Variants in GPC6 observed in about 807,000 individuals in gnomAD.
GPC6 encodes glypican 6, also known as glypican-6.
Under a neutral mutation model 55.2 loss-of-function variants are expected in GPC6, and 14 were observed. The observed-to-expected ratio is 0.25, with a 90% CI of 0.17 to 0.40. GPC6 has a LOEUF of 0.40. Ranked by LOEUF, GPC6 falls within the 10% of genes least tolerant of loss-of-function variation. The pLI, the probability that GPC6 is intolerant of heterozygous loss-of-function variation, is 1.00. For synonymous variants in GPC6, 278 were observed against 259.6 expected (o/e 1.07, Z -0.68); for missense variants, 641 against 708.5 (o/e 0.90, Z 1.08).
At chr13:93,220,619 G>C in the GPC6 span, among the ~76,000 whole-genome samples, 3 of 152,094 alleles carry the variant, frequency 2.0e-5, no homozygotes, top group Non-Finnish European at 4.4e-5. Context: ...TTAATATTGT[G>C]AGCCTTCAAG....
chr13:94,022,124 G>C (rs1033991441), intron 3 of GPC6, among the ~76,000 whole-genome samples: 1 of 151,992 alleles, frequency 6.6e-6, no homozygotes, highest in Non-Finnish European at 1.5e-5. Flanking sequence ...TTTAGCAAAA[G>C]TCCTGAATAC....
At chr13:93,340,656 A>G (rs1444962867) in intron 1 of GPC6, among the ~76,000 whole-genome samples, 2 of 152,154 alleles carry the variant, frequency 1.3e-5, no homozygotes, top group Non-Finnish European at 2.9e-5. Flanking sequence ...CTCAAGGAAG[A>G]TAGGGTCAGG....
At chr13:93,884,972 T>G (rs926229589) in intron 3 of GPC6, among the ~76,000 whole-genome samples, 2 of 152,106 alleles carry the variant, frequency 1.3e-5, no homozygotes, top group Admixed American at 6.6e-5. Context: ...TTCACTTGTT[T>G]GGGGCTTCAA....
At chr13:94,233,683 G>A (rs1364278526) in intron 4 of GPC6, among the ~76,000 whole-genome samples, 2 of 152,096 alleles carry the variant, frequency 1.3e-5, no homozygotes, top group Non-Finnish European at 2.9e-5. Flanking sequence ...TTGTTTTGGT[G>A]TTGAGGTGCT....
intron 2 of GPC6, among the ~76,000 whole-genome samples, chr13:93,759,291 C>G (rs1267686840): frequency 2.0e-5 from 3 of 152,170 alleles, no homozygotes; most frequent in Non-Finnish European, 2.9e-5. Context: ...ATGTATCCCC[C>G]ACTTGGGTTA....
intron 3 of GPC6, among the ~76,000 whole-genome samples, chr13:93,993,239 G>C (rs768685474): frequency 1.3e-5 from 2 of 150,868 alleles, no homozygotes; most frequent in Non-Finnish European, 2.9e-5. Context: ...TTCTTTTGTC[G>C]TATCTATTTT....
intron 1 of GPC6, among the ~76,000 whole-genome samples, chr13:93,515,096 T>C (rs1881135263): frequency 6.6e-6 from 1 of 152,156 alleles, no homozygotes; most frequent in South Asian, 2.1e-4. Context: ...CTCCTTTCTC[T>C]CTTGCTATCT....
chr13:94,379,236 G>A (rs772552690), intron 6 of GPC6, among the ~76,000 whole-genome samples: 18 of 152,278 alleles, frequency 1.2e-4, no homozygotes, highest in Admixed American at 7.2e-4. Flanking sequence ...ATGAATCAAA[G>A]GCATGTTCTT....
intron 2 of GPC6, among the ~76,000 whole-genome samples, chr13:93,803,023 G>A (rs1181212909): frequency 6.6e-6 from 1 of 152,124 alleles, no homozygotes; most frequent in Non-Finnish European, 1.5e-5. Context: ...TTGTGTGAGG[G>A]AAGGAAATTA....
chr13:93,628,820 C>T (rs1879313414), intron 2 of GPC6, among the ~76,000 whole-genome samples: 1 of 151,836 alleles, frequency 6.6e-6, no homozygotes, highest in Admixed American at 6.6e-5. Context: ...TAAAAATATT[C>T]AAAATATCCA....
At chr13:93,660,608 AT>A (rs1880882103) in intron 2 of GPC6, among the ~76,000 whole-genome samples, 1 of 152,200 alleles carries the variant, frequency 6.6e-6, no homozygotes, top group African/African-American at 2.4e-5. Context: ...ATCTGTTCAC[AT>A]TTTGTAGTCT....
At chr13:94,132,305 T>C (rs1192944806) in intron 4 of GPC6, among the ~76,000 whole-genome samples, 1 of 152,160 alleles carries the variant, frequency 6.6e-6, no homozygotes, top group Non-Finnish European at 1.5e-5. Flanking sequence ...AGCTATTTCT[T>C]ACACACGATG....
chr13:93,599,522 G>A (rs973233733), intron 2 of GPC6, among the ~76,000 whole-genome samples: 7 of 152,102 alleles, frequency 4.6e-5, no homozygotes, highest in African/African-American at 1.7e-4. Flanking sequence ...AAAAAATGTG[G>A]AAAAGGAGTG....
At chr13:94,347,415 G>A (rs1239067791) in intron 6 of GPC6, among the ~76,000 whole-genome samples, 8 of 152,210 alleles carry the variant, frequency 5.3e-5, no homozygotes, top group African/African-American at 9.7e-5. Context: ...TCAGGACTAT[G>A]TGCTTTGATG....
At chr13:93,408,083 G>A (rs764177445) in intron 1 of GPC6, among the ~76,000 whole-genome samples, 2 of 152,070 alleles carry the variant, frequency 1.3e-5, no homozygotes, top group African/African-American at 2.4e-5. Context: ...TTTCCTCCAA[G>A]ACTCTTAATT....
At chr13:93,677,001 AAAGAT>A (rs1881659263) in intron 2 of GPC6, among the ~76,000 whole-genome samples, 1 of 152,178 alleles carries the variant, frequency 6.6e-6, no homozygotes, top group African/African-American at 2.4e-5. Context: ...AGTTTAAAAT[AAAGAT>A]AAGATTGTTC....
At chr13:93,499,732 G>C (rs1880452515) in intron 1 of GPC6, among the ~76,000 whole-genome samples, 1 of 152,158 alleles carries the variant, frequency 6.6e-6, no homozygotes, top group Non-Finnish European at 1.5e-5. Flanking sequence ...CTAGGATCTA[G>C]CTCTTTCAAA....
intron 2 of GPC6, among the ~76,000 whole-genome samples, chr13:93,687,602 T>C (rs1405154994): frequency 6.6e-6 from 1 of 152,128 alleles, no homozygotes; most frequent in African/African-American, 2.4e-5. Flanking sequence ...TTAATCTCTG[T>C]TGCTTAGCTT....
At chr13:93,882,503 G>A (rs780271722) in intron 3 of GPC6, among the ~76,000 whole-genome samples, 1 of 151,970 alleles carries the variant, frequency 6.6e-6, no homozygotes, top group African/African-American at 2.4e-5. Context: ...TCATACATTA[G>A]TAACACTGTT....
Sources: gnomAD v4.1 joint callset for allele counts (sites outside exome capture counted in the v4.1 genomes callset) on GRCh38, gnomAD v4.1.1 for gene constraint, MANE v1.5 for transcripts, NCBI Gene and HGNC (gene_info 2026-07-23, HGNC 2026-07-21) for gene names.